The following OSR1 variants were observed in gnomAD, a reference collection of about 807,000 sequenced individuals.
The protein encoded by OSR1 is odd-skipped related transcription factor 1, also known as protein odd-skipped-related 1.
Under a neutral mutation model 15.7 loss-of-function variants are expected in OSR1, and 3 were observed. The observed-to-expected ratio is 0.19, with a 90% CI of 0.09 to 0.50. The LOEUF (loss-of-function observed/expected upper bound fraction) is 0.50, where lower values mean the gene tolerates loss of function less well. Ranked by LOEUF, OSR1 falls within the 20% of genes least tolerant of loss-of-function variation. The pLI is 0.97. For missense variants in OSR1, 271 were observed against 351.1 expected, an observed-to-expected ratio of 0.77 and a Z score of 1.82; for synonymous variants, 166 against 152.7, an observed-to-expected ratio of 1.09 and a Z score of -0.64.
chr2:19,350,978 C>G (rs1664827779), downstream of OSR1, among the ~76,000 whole-genome samples: 1 of 152,024 alleles, frequency 6.6e-6, no homozygotes, highest in Admixed American at 6.5e-5. Flanking sequence ...GTATTTGCAC[C>G]CGAGTGTTGA....
chr2:19,345,314 T>A, the OSR1 span, among the ~76,000 whole-genome samples: 1 of 151,962 alleles, frequency 6.6e-6, no homozygotes, highest in African/African-American at 2.4e-5. Flanking sequence ...TTAATTAGAT[T>A]CCATTTGTCA....
At chr2:19,351,235 G>T (rs1664832741), downstream of OSR1, among the ~76,000 whole-genome samples, 1 of 152,164 alleles carries the variant, frequency 6.6e-6, no homozygotes, top group Non-Finnish European at 1.5e-5. Context: ...CACTTTAGCG[G>T]TGAGGAGTGG....
downstream of OSR1, chr2:19,346,502 C>A: frequency 6.6e-6 from 1 of 152,424 alleles, no homozygotes; most frequent in Non-Finnish European, 1.5e-5. Flanking sequence ...TGGTGCCTCA[C>A]GCCTGTAATC....
the OSR1 span, among the ~76,000 whole-genome samples, chr2:19,346,392 A>G: frequency 2.6e-5 from 4 of 152,232 alleles, no homozygotes; most frequent in African/African-American, 9.7e-5. Flanking sequence ...GGGTGAGAGG[A>G]CCATTCCTGC....
At chr2:19,347,762 A>G (rs1213319519), downstream of OSR1, among the ~76,000 whole-genome samples, 2 of 152,044 alleles carry the variant, frequency 1.3e-5, no homozygotes, top group African/African-American at 4.8e-5. Flanking sequence ...CCGCCGCGCC[A>G]CCCTCGCCAG....
At position 19,353,404 on chromosome 2, in the gene OSR1, G is replaced by T; in HGVS notation, c.402C>A (p.Leu134=). The T allele has an allele frequency of 6.2e-7, 1 of 1,614,142 alleles. No homozygotes were observed. Among genetic ancestry groups the T allele is most frequent in the South Asian group, 1.1e-5 (1 of 91,084 alleles). The change falls in exon 2 of 3, where the codon CTC becomes CTA. Residue 134 remains leucine, a synonymous_variant. Transcript: ENST00000272223. ...LAATQEDPAK[L]GRGEGPGSPA... ...GGGAGCCTGGGCCCTCCCCGCGACCGAGCTTGGCCGGATCTTCTTGCGTTG... is the reference window on the plus strand; with the variant it reads ...GGGAGCCTGGGCCCTCCCCGCGACCTAGCTTGGCCGGATCTTCTTGCGTTG...
At chr2:19,345,072 T>C in the OSR1 span, among the ~76,000 whole-genome samples, 2 of 152,126 alleles carry the variant, frequency 1.3e-5, no homozygotes, top group African/African-American at 2.4e-5. Flanking sequence ...ATATAATTTA[T>C]ATATCTTTGA....
In OSR1 at chr2:19,353,847, A is replaced by G; in HGVS notation, c.-32-10T>C. On this transcript the variant is annotated splice_polypyrimidine_tract_variant and intron_variant, in intron 1 of 2. Coordinates refer to ENST00000272223, the MANE Select transcript of OSR1 (RefSeq NM_145260.3). ...GCTTCTCAATCCGGATCTGCAAAGAAAAGAAGAAGGCAGGGGCGTGGAGAG... is the reference window on the plus strand; with the variant it reads ...GCTTCTCAATCCGGATCTGCAAAGAGAAGAAGAAGGCAGGGGCGTGGAGAG... 6.4e-7 allele frequency: 1 copy of G among 1,571,898 alleles called. No individual in the cohort carries two copies. The highest frequency in any genetic ancestry group is 2.3e-5 in the East Asian group (1 of 43,882).
intron 1 of OSR1, chr2:19,355,709 A>G (rs1664935010): frequency 6.6e-6 from 1 of 152,232 alleles, no homozygotes; most frequent in Admixed American, 6.5e-5. Flanking sequence ...GAGGAGGCAT[A>G]TTATCTGCGT....
downstream of OSR1, among the ~76,000 whole-genome samples, chr2:19,347,472 C>T (rs1664751096): frequency 1.3e-5 from 2 of 152,178 alleles, no homozygotes; most frequent in South Asian, 4.1e-4. Context: ...TGGCCCTTCC[C>T]CTCAATGAAA....
At chr2:19,349,164 G>A (rs1572257598), downstream of OSR1, among the ~76,000 whole-genome samples, 1 of 152,232 alleles carries the variant, frequency 6.6e-6, no homozygotes, top group East Asian at 1.9e-4. Context: ...CCTCTCAATT[G>A]CACTTTTTGT....
At chr2:19,350,383 G>T (rs749880091), downstream of OSR1, among the ~76,000 whole-genome samples, 2 of 151,740 alleles carry the variant, frequency 1.3e-5, no homozygotes, top group African/African-American at 4.8e-5. Flanking sequence ...CGAAGTTCTA[G>T]CCCGCACAGG....
chr2:19,348,203 G>A (rs190920865), downstream of OSR1, among the ~76,000 whole-genome samples: 84 of 152,246 alleles, frequency 5.5e-4, no homozygotes, highest in African/African-American at 2.0e-3. Context: ...TCAAGAAGAG[G>A]ACGCTGCAGG....
intron 2 of OSR1, among the ~76,000 whole-genome samples, chr2:19,352,805 CTAAAT>C (rs1447777407): frequency 2.6e-5 from 4 of 152,188 alleles, no homozygotes; most frequent in Non-Finnish European, 5.9e-5. Context: ...TTAAATAAAA[CTAAAT>C]TAGTTTCTCA....
chr2:19,345,034 C>T, the OSR1 span, among the ~76,000 whole-genome samples: 1 of 151,912 alleles, frequency 6.6e-6, no homozygotes, highest in Admixed American at 6.6e-5. Context: ...TATGTGTGTA[C>T]ATATATATAA....
chr2:19,348,786 C>T (rs1664783490), downstream of OSR1, among the ~76,000 whole-genome samples: 1 of 152,194 alleles, frequency 6.6e-6, no homozygotes, highest in Admixed American at 6.5e-5. Flanking sequence ...TGTTCTTTTC[C>T]CTGGAAGCAC....
chr2:19,349,266 G>T (rs949612933), downstream of OSR1, among the ~76,000 whole-genome samples: 1 of 152,160 alleles, frequency 6.6e-6, no homozygotes, highest in African/African-American at 2.4e-5. Context: ...GCCTGGATAG[G>T]GTCGGATGGC....
rs1409380865 is a variant in OSR1, at chr2:19,357,519, T to C, written c.-33+822A>G. ...CAGCCCTTCACCCCTTTCCCCCTTC[T>C]TTCTCTCCTGACGGCTGGATTAGCG... is the stretch of plus-strand genomic sequence containing the variant. On this transcript the variant is annotated intron_variant, in intron 1 of 2. Transcript: ENST00000272223. This position sits in a 1 kb window ranked among gnomAD's most constrained non-coding sequence, Gnocchi z 5.0. Among the ~76,000 whole-genome samples, 1 of 152,174 alleles carries C rather than the reference T, an allele frequency of 6.6e-6. No homozygotes were observed. Among genetic ancestry groups the C allele is most frequent in the East Asian group, 1.9e-4 (1 of 5,184 alleles).
chr2:19,348,076 A>AG (rs1308073761), downstream of OSR1, among the ~76,000 whole-genome samples: 1 of 152,118 alleles, frequency 6.6e-6, no homozygotes, highest in Non-Finnish European at 1.5e-5. Context: ...GTGGGAGAGG[A>AG]GGGCGGGGCC....
Sources: gnomAD v4.1 joint callset for allele counts (sites outside exome capture counted in the v4.1 genomes callset) on GRCh38, gnomAD v4.1.1 for gene constraint, Gnocchi (gnomAD v3.1) non-coding constraint, MANE v1.5 for transcripts, NCBI Gene and HGNC (gene_info 2026-07-23, HGNC 2026-07-21) for gene names.